TNNI3K: variants seen among roughly 807,000 people sequenced by gnomAD.
TNNI3K encodes the protein serine/threonine-protein kinase TNNI3K.
A neutral mutation model predicts 114.5 loss-of-function variants in TNNI3K; 140 were observed. That is an observed-to-expected ratio of 1.22 (90% CI 1.07 to 1.41). TNNI3K has a LOEUF of 1.41. Among genes scored for constraint, TNNI3K ranks in the 40% most tolerant of loss-of-function variants. TNNI3K has a pLI of 0.00. For missense variants in TNNI3K, 1,125 were observed against 1,007.6 expected (o/e 1.12, Z -1.58); for synonymous variants, 347 against 347.5 (o/e 1.00, Z 0.02).
chr1:74,360,574 A>G (rs1661907927), intron 11 of TNNI3K, among the ~76,000 whole-genome samples: 1 of 152,076 alleles, frequency 6.6e-6, no homozygotes, highest in African/African-American at 2.4e-5. Context: ...CTGCTCATTC[A>G]TCCTTACATA....
intron 4 of TNNI3K, among the ~76,000 whole-genome samples, chr1:74,264,233 A>G (rs1398938058): frequency 6.6e-6 from 1 of 151,796 alleles, no homozygotes; most frequent in African/African-American, 2.4e-5. Flanking sequence ...AAAAACTGAT[A>G]TCTTTTGTGA....
At chr1:74,336,452 A>G (rs1374395092) in intron 7 of TNNI3K, among the ~76,000 whole-genome samples, 2 of 151,426 alleles carry the variant, frequency 1.3e-5, no homozygotes, top group Non-Finnish European at 2.9e-5. Flanking sequence ...TGCACCCACT[A>G]ACTCGTCATC....
intron 7 of TNNI3K, chr1:74,342,021 A>T (rs1353263864): frequency 6.6e-6 from 1 of 152,190 alleles, no homozygotes; most frequent in East Asian, 1.9e-4. Context: ...ATTAAGAATT[A>T]TTCCAGGATA....
At chr1:74,497,694 C>A (rs968967905) in intron 23 of TNNI3K, among the ~76,000 whole-genome samples, 3 of 152,104 alleles carry the variant, frequency 2.0e-5, no homozygotes, top group African/African-American at 7.2e-5. Flanking sequence ...TTTGCAACAT[C>A]TTTAACTTCT....
intron 21 of TNNI3K, chr1:74,475,404 T>G: frequency 1.4e-6 from 1 of 717,132 alleles, no homozygotes; most frequent in East Asian, 2.7e-5. Flanking sequence ...GTAAGCCTGC[T>G]TCATTAAAAG....
chr1:74,514,961 C>T (rs76869123), intron 23 of TNNI3K, among the ~76,000 whole-genome samples: 2,476 of 152,042 alleles, frequency 0.016, 43 homozygotes, highest in Middle Eastern at 0.058. Context: ...CACAAAGACA[C>T]GCAGAAGAAT....
intron 13 of TNNI3K, among the ~76,000 whole-genome samples, 184 bp downstream of exon 13, chr1:74,368,148 A>T (rs1282993449): frequency 6.6e-6 from 1 of 151,906 alleles, no homozygotes. Context: ...GTGCATAAAG[A>T]TATAATAACA....
intron 17 of TNNI3K, among the ~76,000 whole-genome samples, chr1:74,431,586 A>T (rs1239325092): frequency 6.6e-6 from 1 of 152,114 alleles, no homozygotes; most frequent in Non-Finnish European, 1.5e-5. Context: ...AAGTCCTAAC[A>T]TCTGGGGCAA....
chr1:74,304,083 C>T (rs1004319010), intron 5 of TNNI3K, among the ~76,000 whole-genome samples: 2 of 152,198 alleles, frequency 1.3e-5, no homozygotes, highest in Non-Finnish European at 2.9e-5. Flanking sequence ...GGTGAAGATA[C>T]TGTGAACAAT....
At chr1:74,344,592 C>T (rs1660903202) in intron 9 of TNNI3K, among the ~76,000 whole-genome samples, 1 of 152,146 alleles carries the variant, frequency 6.6e-6, no homozygotes, top group Non-Finnish European at 1.5e-5. Context: ...CTGATATGTA[C>T]TGGTTGCTGG....
intron 11 of TNNI3K, among the ~76,000 whole-genome samples, chr1:74,356,721 A>T (rs910007393): frequency 1.3e-5 from 2 of 152,158 alleles, no homozygotes; most frequent in Admixed American, 1.3e-4. Context: ...GGAATTCCAC[A>T]CTTCTATGAA....
intron 17 of TNNI3K, among the ~76,000 whole-genome samples, chr1:74,434,711 G>A (rs1251421504): frequency 6.6e-6 from 1 of 151,860 alleles, no homozygotes; most frequent in East Asian, 1.9e-4. Context: ...ACATCATCTT[G>A]GAGGTCCCTG....
intron 5 of TNNI3K, among the ~76,000 whole-genome samples, chr1:74,317,899 A>C (rs1659404442): frequency 6.6e-6 from 1 of 151,856 alleles, no homozygotes; most frequent in Non-Finnish European, 1.5e-5. Flanking sequence ...ATCCAGGGGA[A>C]CCCCCTGCAT....
chr1:74,247,328 T>G (rs919381868), intron 2 of TNNI3K, among the ~76,000 whole-genome samples: 1 of 152,218 alleles, frequency 6.6e-6, no homozygotes, highest in East Asian at 1.9e-4. Context: ...CCCAGTGGGT[T>G]TGTGATCTTG....
At chr1:74,491,690 A>ATGAAGGGAATAATTTCATG (rs778022406) in intron 22 of TNNI3K, among the ~76,000 whole-genome samples, 2 of 152,246 alleles carry the variant, frequency 1.3e-5, no homozygotes, top group Non-Finnish European at 2.9e-5. Context: ...TTCATTTTAC[A>ATGAAGGGAATAATTTCATG]TGAAGGGAAT....
At chr1:74,266,457 C>T (rs944868694) in intron 4 of TNNI3K, among the ~76,000 whole-genome samples, 4 of 151,926 alleles carry the variant, frequency 2.6e-5, no homozygotes, top group Admixed American at 6.6e-5. Flanking sequence ...CTCTGCTCCA[C>T]GCTATTGATC....
chr1:74,390,975 A>AAC (rs1262389887), intron 17 of TNNI3K, among the ~76,000 whole-genome samples: 17 of 151,510 alleles, frequency 1.1e-4, no homozygotes, highest in Non-Finnish European at 2.2e-4. Flanking sequence ...GAAAAAAAAA[A>AAC]AAAACTGTGT....
chr1:74,459,095 C>T (rs1195323286), intron 20 of TNNI3K, among the ~76,000 whole-genome samples: 2 of 152,168 alleles, frequency 1.3e-5, no homozygotes, highest in African/African-American at 2.4e-5. Flanking sequence ...AACTTAGGTG[C>T]ACATCAACAG....
intron 17 of TNNI3K, among the ~76,000 whole-genome samples, chr1:74,423,552 T>C (rs954723954): frequency 5.3e-5 from 8 of 152,156 alleles, no homozygotes; most frequent in Non-Finnish European, 1.2e-4. Flanking sequence ...TATACCTCAG[T>C]TGTAAAGATG....
Sources: gnomAD v4.1 joint callset for allele counts (sites outside exome capture counted in the v4.1 genomes callset) on GRCh38, gnomAD v4.1.1 for gene constraint, MANE v1.5 for transcripts, NCBI Gene and HGNC (gene_info 2026-07-23, HGNC 2026-07-21) for gene names.